Variants in MRM1 observed in about 807,000 individuals in gnomAD.
The protein encoded by MRM1 is mitochondrial rRNA methyltransferase 1.
Under a neutral mutation model 25.0 loss-of-function variants are expected in MRM1, and 24 were observed. The ratio of observed to expected loss-of-function variants is 0.96; its 90% CI spans 0.69 to 1.35. The LOEUF is 1.35. Ranked by LOEUF, MRM1 falls within the 40% of genes most tolerant of loss-of-function variation. The pLI, the probability that MRM1 is intolerant of heterozygous loss-of-function variation, is 0.00. For synonymous variants in MRM1, 188 were observed against 199.2 expected (o/e 0.94, Z 0.47); for missense variants, 431 against 464.1 (o/e 0.93, Z 0.65).
Position 36,602,380 on chromosome 17 carries a change from C to A in MRM1, c.542+28C>A. The stretch of plus-strand genomic sequence containing the variant: ...ACGGACGTCCCTCATTCTCTATGTG[C>A]CCCAACTTGGAGACGCAGCCGAGTT... On this transcript the variant is annotated intron_variant, in intron 1 of 4. Coordinates refer to ENST00000614766, the MANE Select transcript of MRM1 (RefSeq NM_024864.5). This position sits in a 1 kb window ranked among gnomAD's most constrained non-coding sequence, Gnocchi z 4.1. 6.4e-7 allele frequency: 1 copy of A among 1,550,426 alleles called. No homozygotes were observed. The highest frequency in any genetic ancestry group is 1.4e-5 in the African/African-American group (1 of 73,262).
At chr17:36,604,352 T>G (rs1264524566) in intron 2 of MRM1, among the ~76,000 whole-genome samples, 1 of 152,226 alleles carries the variant, frequency 6.6e-6, no homozygotes, top group African/African-American at 2.4e-5. Context: ...GCTGGCACAG[T>G]TGACCACTCC....
chr17:36,615,852 T>C, the MRM1 span, among the ~76,000 whole-genome samples: 1 of 150,368 alleles, frequency 6.7e-6, no homozygotes, highest in Non-Finnish European at 1.5e-5. Context: ...AAAAATTAGC[T>C]GGGCATGGTG....
At chr17:36,617,781 T>G in the MRM1 span, among the ~76,000 whole-genome samples, 1 of 152,028 alleles carries the variant, frequency 6.6e-6, no homozygotes, top group African/African-American at 2.4e-5. Context: ...GGGTCTGGCT[T>G]CTCCTCCCCC....
the MRM1 span, among the ~76,000 whole-genome samples, chr17:36,616,480 C>T: frequency 3.9e-5 from 6 of 152,206 alleles, no homozygotes; most frequent in Admixed American, 2.6e-4. Flanking sequence ...CGTCGACAGC[C>T]CCTTGCATAG....
chr17:36,608,253 T>C lies in MRM1; in HGVS notation c.900T>C (p.Leu300=). The change falls in exon 5 of 5, where the codon CTT becomes CTC. Residue 300 remains leucine, a synonymous_variant. Coordinates refer to ENST00000614766, the MANE Select transcript of MRM1 (RefSeq NM_024864.5). ...CTTGTGTCTGTGCAGGAATTCTTCT[T>C]CACTCCATTTGCAGCCAGAGGAAGG... The part of the protein sequence containing the change: ...LNVSVAAGIL[L]HSICSQRKGF... 6.4e-7 allele frequency: 1 copy of C among 1,568,340 alleles called. No homozygotes were observed. Among genetic ancestry groups the C allele is most frequent in the Non-Finnish European group, 8.6e-7 (1 of 1,158,692 alleles).
At chr17:36,606,916 T>TTTTC (rs1345693949) in intron 2 of MRM1, among the ~76,000 whole-genome samples, 2 of 141,634 alleles carry the variant, frequency 1.4e-5, no homozygotes, top group Admixed American at 1.4e-4. Flanking sequence ...TGGTTTTTTG[T>TTTTC]TTTTTTTTTT....
rs1041485650 is a variant in MRM1 at position 36,601,984 on chromosome 17, T to G, written c.174T>G (p.Cys58Trp). 5.2e-5 allele frequency: 84 copies of G among 1,611,820 alleles called. No individual in the cohort carries two copies. Among genetic ancestry groups the G allele is most frequent in the Non-Finnish European group, 7.1e-5 (84 of 1,179,516 alleles). The change falls in exon 1 of 5, where the codon TGT becomes TGG. Residue 58 changes from cysteine (C) to tryptophan (W), a missense_variant. Physicochemically the swap from Cys to Trp is radical, Grantham distance 215. Coordinates refer to ENST00000614766, the MANE Select transcript of MRM1 (RefSeq NM_024864.5). ...RLELLFGMTP[C>W]LLALQAARRS... ...AGCTTCTGTTTGGCATGACCCCGTGTCTCCTGGCTCTGCAGGCCGCCCGCC... is the reference window on the plus strand; with the variant it reads ...AGCTTCTGTTTGGCATGACCCCGTGGCTCCTGGCTCTGCAGGCCGCCCGCC...
chr17:36,630,648 A>G, the MRM1 span, among the ~76,000 whole-genome samples: 2 of 152,078 alleles, frequency 1.3e-5, no homozygotes, highest in Non-Finnish European at 2.9e-5. Context: ...TAGGAGAGTG[A>G]GGTGGTGAAT....
intron 2 of MRM1, among the ~76,000 whole-genome samples, chr17:36,606,971 A>G (rs2074935551): frequency 6.9e-6 from 1 of 145,102 alleles, no homozygotes. Flanking sequence ...CTGGAGTACA[A>G]TGGCGCAATC....
At chr17:36,629,586 G>A in the MRM1 span, among the ~76,000 whole-genome samples, 5 of 152,354 alleles carry the variant, frequency 3.3e-5, no homozygotes, top group South Asian at 4.1e-4. Flanking sequence ...GCCAAGGGGC[G>A]CCGGAGATGT....
the MRM1 span, among the ~76,000 whole-genome samples, chr17:36,618,530 T>C: frequency 6.6e-6 from 1 of 152,086 alleles, no homozygotes; most frequent in African/African-American, 2.4e-5. Context: ...CAAAGGCTTC[T>C]GGGTAGGAGT....
chr17:36,615,427 G>A, the MRM1 span, among the ~76,000 whole-genome samples: 1 of 152,102 alleles, frequency 6.6e-6, no homozygotes, highest in Non-Finnish European at 1.5e-5. Flanking sequence ...TTGGGAGGCC[G>A]AGGTGGGCGA....
At chr17:36,616,872 A>G in the MRM1 span, among the ~76,000 whole-genome samples, 2 of 151,998 alleles carry the variant, frequency 1.3e-5, no homozygotes, top group African/African-American at 2.4e-5. Context: ...CTCCTTAGCC[A>G]CTATGCCCAG....
At chr17:36,630,897 G>A in the MRM1 span, among the ~76,000 whole-genome samples, 1 of 152,152 alleles carries the variant, frequency 6.6e-6, no homozygotes, top group Non-Finnish European at 1.5e-5. Context: ...GCTGGGACTC[G>A]GGGGCCCAGG....
chr17:36,622,286 T>A, the MRM1 span, among the ~76,000 whole-genome samples: 1 of 152,018 alleles, frequency 6.6e-6, no homozygotes, highest in Non-Finnish European at 1.5e-5. Context: ...TGGAAGAGAC[T>A]TCAGACTGGG....
chr17:36,611,219 C>T (rs1457449658), downstream of MRM1, among the ~76,000 whole-genome samples: 1 of 152,196 alleles, frequency 6.6e-6, no homozygotes, highest in African/African-American at 2.4e-5. Context: ...CCCATGCACA[C>T]CTGTGCTTTT....
At chr17:36,625,338 C>A in the MRM1 span, among the ~76,000 whole-genome samples, 4 of 151,758 alleles carry the variant, frequency 2.6e-5, no homozygotes, top group African/African-American at 9.7e-5. Context: ...CCTTCTCCTT[C>A]GCCTTCTTCT....
the MRM1 span, among the ~76,000 whole-genome samples, chr17:36,620,408 G>C: frequency 2.0e-5 from 3 of 152,142 alleles, no homozygotes; most frequent in African/African-American, 7.2e-5. Context: ...AGTGATTGTG[G>C]TATTCCAGTT....
At chr17:36,625,894 A>C in the MRM1 span, among the ~76,000 whole-genome samples, 1 of 148,192 alleles carries the variant, frequency 6.7e-6, no homozygotes, top group Admixed American at 6.7e-5. Flanking sequence ...TTTCCCTCCC[A>C]CTCCCTCCCC....
Sources: allele counts gnomAD v4.1 joint callset (sites outside exome capture counted in the v4.1 genomes callset), GRCh38; gene constraint gnomAD v4.1.1; non-coding constraint Gnocchi (gnomAD v3.1); transcripts MANE v1.5; gene names NCBI Gene and HGNC (gene_info 2026-07-23, HGNC 2026-07-21).